POLD2: variants seen among roughly 807,000 people sequenced by gnomAD.
POLD2 encodes DNA polymerase delta 2, accessory subunit, also known as DNA polymerase delta subunit 2.
Under a neutral mutation model 48.8 loss-of-function variants are expected in POLD2, and 31 were observed. The ratio of observed to expected loss-of-function variants is 0.64; its 90% CI spans 0.48 to 0.86. The LOEUF (loss-of-function observed/expected upper bound fraction) is 0.86, where lower values mean the gene tolerates loss of function less well. Among genes scored for constraint, POLD2 ranks in the 40% least tolerant of loss-of-function variants. The probability of loss-of-function intolerance (pLI) is 0.00; values close to 1 mark genes in which losing one functional copy is unlikely to be tolerated. For missense variants in POLD2, 455 were observed against 610.1 expected (o/e 0.75, Z 2.68); for synonymous variants, 233 against 256.3 (o/e 0.91, Z 0.87).
chr7:44,120,575 C>A (rs1320629908), intron 2 of POLD2, among the ~76,000 whole-genome samples: 1 of 152,186 alleles, frequency 6.6e-6, no homozygotes. Context: ...GAATTATAAT[C>A]CACACGGTGT....
chr7:44,118,014 A>G lies in POLD2; in HGVS notation c.271T>C (p.Cys91Arg). The change falls in exon 3 of 11, where the codon TGC becomes CGC. Residue 91 changes from cysteine to arginine, a missense_variant. Cys to Arg is a radical substitution (Grantham distance 180). Around this residue, in one of 3 missense-constraint regions of POLD2, gnomAD observed 349 missense variants for 437.4 expected, o/e 0.80. Transcript: ENST00000610533. Reference protein sequence around the residue: ...KLCELQPEEKCCVVGTLFKAM... With the variant: ...KLCELQPEEKRCVVGTLFKAM... The stretch of plus-strand genomic sequence containing the variant: ...TTGAACAGAGTGCCCACCACACAGC[A>G]CTTCTCCTCAGGCTGCAGTTCACAC... The G allele has an allele frequency of 6.2e-7, 1 of 1,614,066 alleles. No individual in the cohort carries two copies. Among genetic ancestry groups the G allele is most frequent in the Non-Finnish European group, 8.5e-7 (1 of 1,179,984 alleles).
chr7:44,117,706 T>C lies in POLD2; in HGVS notation c.379A>G (p.Ile127Val), dbSNP rs755532079. The C allele has an allele frequency of 2.5e-6, 4 of 1,613,526 alleles. No individual in the cohort carries two copies. The highest frequency in any genetic ancestry group is 2.2e-5 in the South Asian group (2 of 90,888). The change falls in exon 4 of 11, where the codon ATA (isoleucine) becomes GTA (valine). Residue 127 changes from isoleucine (I) to valine (V), a missense_variant. By Grantham distance (29) the Ile-to-Val change is conservative (BLOSUM62 3). This residue lies in a region of POLD2 where 349 missense variants were observed against 437.4 expected (regional missense o/e 0.80). Transcript: ENST00000610533. ...LLPQPPRSKY[I>V]HPDDELVLED... ...AAGACCAGCTCGTCATCTGGGTGTATGTATTTACTCCGAGGAGGCTGGGGG... is the reference window on the plus strand; with the variant it reads ...AAGACCAGCTCGTCATCTGGGTGTACGTATTTACTCCGAGGAGGCTGGGGG...
At position 44,116,646 on chromosome 7, in the gene POLD2, G is replaced by A. The variant is rs2096240125; in HGVS notation, c.781-136C>T. 1.0e-6 allele frequency: 1 copy of A among 999,600 alleles called. No individual in the cohort carries two copies. Among genetic ancestry groups the A allele is most frequent in the Non-Finnish European group, 1.5e-6 (1 of 666,180 alleles). 61.9% of individuals were successfully genotyped at this position (999,600 alleles called of 1,614,324 possible). ...CTTCAAGCCTCCCACCATCCTCAGC[G>A]AGGGCCTGGGCATGAGGAGCCCCAT... is the stretch of plus-strand genomic sequence containing the variant. On this transcript the variant is annotated intron_variant, in intron 6 of 10. Transcript: ENST00000610533. The surrounding 1 kb of genome is among the most constrained non-coding windows in gnomAD (Gnocchi z 6.1).
Position 44,117,256 on chromosome 7 carries a change from C to G in POLD2, c.467-9G>C. 6.2e-7 allele frequency: 1 copy of G among 1,601,738 alleles called. No individual in the cohort carries two copies. The highest frequency in any genetic ancestry group is 8.6e-7 in the Non-Finnish European group (1 of 1,169,506). Reference sequence around the variant, plus strand: ...CACAGCCAGGACAGTCCCTGGGGAGCAGTGGCATCAGGCCTGAGCAGGGAG... The same window carrying G: ...CACAGCCAGGACAGTCCCTGGGGAGGAGTGGCATCAGGCCTGAGCAGGGAG... On this transcript the variant is annotated splice_polypyrimidine_tract_variant and intron_variant, in intron 4 of 10. Transcript: ENST00000610533.
chr7:44,121,314 GT>G lies in POLD2; in HGVS notation c.220+519del, dbSNP rs1229193678. Among the ~76,000 whole-genome samples, 1 of 152,142 alleles carries G rather than the reference GT, an allele frequency of 6.6e-6. No homozygotes were observed. The highest frequency in any genetic ancestry group is 1.5e-5 in the Non-Finnish European group (1 of 68,024). ...AATGGGGGCAAAGAACAAGGGTTGT[GT>G]TGGGCAGGCCACTTTATTAGGAAAG... On this transcript the variant is annotated intron_variant, in intron 2 of 10. Transcript: ENST00000610533. This position sits in a 1 kb window ranked among gnomAD's most constrained non-coding sequence, Gnocchi z 4.5.
At chr7:44,123,621 G>T (rs1583572871), upstream of POLD2, 39 of 1,399,622 alleles carry the variant, frequency 2.8e-5, no homozygotes, top group South Asian at 5.7e-4. Flanking sequence ...ACCAATCGCT[G>T]CCCTCCTCGC....
At position 44,116,766 on chromosome 7, in the gene POLD2, G is replaced by A. The variant is rs771059811; in HGVS notation, c.780+51C>T. The A allele has an allele frequency of 1.3e-6, 2 of 1,590,790 alleles. No homozygotes were observed. ...CGCCCTGGGGAAGGAGGGTCTTACAGGCTTGCAGGCTCCTGGGCTGGGGCT... is the reference window on the plus strand; with the variant it reads ...CGCCCTGGGGAAGGAGGGTCTTACAAGCTTGCAGGCTCCTGGGCTGGGGCT... On this transcript the variant is annotated intron_variant, in intron 6 of 10. Transcript: ENST00000610533. The surrounding 1 kb of genome is among the most constrained non-coding windows in gnomAD (Gnocchi z 6.1).
Position 44,117,741 on chromosome 7 carries a change from T to G in POLD2, c.344A>C (p.His115Pro), listed in dbSNP as rs922945307. ...CCGAGGAGGCTGGGGGAGCAGGTTG[T>G]GCTGGAATGCAGAGACAGGAGGTAT... ...PSILREVSEE[H>P]NLLPQPPRSK... The change falls in exon 4 of 11, where the codon CAC becomes CCC. Residue 115 changes from histidine to proline, a missense_variant and splice_region_variant. By Grantham distance (77) the His-to-Pro change is moderately conservative. This residue lies in a region of POLD2 where 349 missense variants were observed against 437.4 expected (regional missense o/e 0.80). Transcript: ENST00000610533. 12 of 1,613,882 alleles carry G rather than the reference T, an allele frequency of 7.4e-6. No homozygotes were observed. Among genetic ancestry groups the G allele is most frequent in the African/African-American group, 6.7e-5 (5 of 75,038 alleles).
rs541724083 is a variant in POLD2, at chr7:44,115,794, G to A, written c.1119C>T (p.His373=). 6.0e-5 allele frequency: 97 copies of A among 1,614,022 alleles called. No homozygotes were observed. In the African/African-American group the frequency reaches 1.2e-3, roughly 20 times the overall value. Residue 373 remains histidine (H), a synonymous_variant, in exon 9 of 11, where the codon CAC becomes CAT. Coordinates refer to ENST00000610533, the MANE Select transcript of POLD2 (RefSeq NM_006230.4). The part of the protein sequence containing the change: ...EILEWTLRVR[H]ISPTAPDTLG... ...GAGTGTCAGGGGCTGTGGGGCTGAT[G>A]TGACGGACCCGCAGGGTCCACTCCA...
At chr7:44,124,197 T>A (rs2096252741), upstream of POLD2, 1 of 151,002 alleles carries the variant, frequency 6.6e-6, no homozygotes, top group South Asian at 2.1e-4. Flanking sequence ...GTCCTCGTTG[T>A]CCCCGTTACT....
chr7:44,124,084 G>GCCAGCGTCTGCGT (rs1314618757), upstream of POLD2, among the ~76,000 whole-genome samples: 1 of 152,178 alleles, frequency 6.6e-6, no homozygotes, highest in Non-Finnish European at 1.5e-5. Context: ...CTCCCGTCCT[G>GCCAGCGTCTGCGT]CCAGCGTCTG....
Position 44,117,034 on chromosome 7 carries a change from TC to T in POLD2, c.582-20del. On this transcript the variant is annotated intron_variant, in intron 5 of 10. Coordinates refer to ENST00000610533, the MANE Select transcript of POLD2 (RefSeq NM_006230.4). Reference sequence around the variant, plus strand: ...CACAAACCTGCGGGAGAAGGTGGGGTCCTCCAGGGTGCCGAGAAGGGAGGCA... The same window carrying T: ...CACAAACCTGCGGGAGAAGGTGGGGTCTCCAGGGTGCCGAGAAGGGAGGCA... 6.2e-7 allele frequency: 1 copy of T among 1,611,582 alleles called. No homozygotes were observed.
At position 44,121,989 on chromosome 7, in the gene POLD2, G is replaced by A. The variant is rs2096248900; in HGVS notation, c.65C>T (p.Ala22Val). The A allele has an allele frequency of 6.2e-7, 1 of 1,613,856 alleles. No homozygotes were observed. Among genetic ancestry groups the A allele is most frequent in the Non-Finnish European group, 8.5e-7 (1 of 1,180,056 alleles). The change falls in exon 2 of 11, where the codon GCC becomes GTC. Residue 22 changes from alanine to valine, a missense_variant. Around this residue, in one of 3 missense-constraint regions of POLD2, gnomAD observed 349 missense variants for 437.4 expected, o/e 0.80. Transcript: ENST00000610533. This position sits in a 1 kb window ranked among gnomAD's most constrained non-coding sequence, Gnocchi z 4.5. ...TLLSPPSANNATFARVPVATY... is the reference protein window; with the variant it reads ...TLLSPPSANNVTFARVPVATY... ...TGCCACTGGCACCCGGGCAAAGGTGGCATTGTTGGCTGATGGTGGGGACAG... is the reference window on the plus strand; with the variant it reads ...TGCCACTGGCACCCGGGCAAAGGTGACATTGTTGGCTGATGGTGGGGACAG...
Position 44,114,700 on chromosome 7 carries a change from T to A in POLD2, c.*85A>T. The A allele has an allele frequency of 7.1e-7, 1 of 1,405,102 alleles. No individual in the cohort carries two copies. Among genetic ancestry groups the A allele is most frequent in the Non-Finnish European group, 9.7e-7 (1 of 1,027,236 alleles). 87.0% of individuals were successfully genotyped at this position (1,405,102 alleles called of 1,614,324 possible). ...AGGGCTCAAGGCTCGCATCAGCAAG[T>A]GCTCAGGCTTTATTTACAATGCCGA... On this transcript the variant is annotated 3_prime_UTR_variant, in exon 11 of 11. Coordinates refer to ENST00000610533, the MANE Select transcript of POLD2 (RefSeq NM_006230.4).
intron 4 of POLD2, 58 bp from the exon 5 acceptor site, chr7:44,117,305 A>C: frequency 7.8e-7 from 1 of 1,290,296 alleles, no homozygotes; most frequent in Non-Finnish European, 1.1e-6. Flanking sequence ...CACTCCTTCC[A>C]GTCACCCCAA....
At chr7:44,117,439 AG>A in intron 4 of POLD2, 179 bp downstream of exon 4, 2 of 790,958 alleles carry the variant, frequency 2.5e-6, no homozygotes, top group Non-Finnish European at 4.0e-6. Context: ...TCTCCCAGCC[AG>A]GTCTCACCCA....
At chr7:44,123,610 C>T (rs1479673243), upstream of POLD2, 7 of 1,423,936 alleles carry the variant, frequency 4.9e-6, no homozygotes, top group South Asian at 1.0e-4. Flanking sequence ...CGCCTAATCT[C>T]ACCAATCGCT....
At chr7:44,119,374 C>T (rs1475340785) in intron 2 of POLD2, among the ~76,000 whole-genome samples, 6 of 152,118 alleles carry the variant, frequency 3.9e-5, no homozygotes, top group African/African-American at 1.4e-4. Context: ...AGCCTGAGCC[C>T]CTGCTGCCTG....
In POLD2 at chr7:44,116,060, T is replaced by C; in HGVS notation, c.1019+55A>G. ...TGGGCCCTCCCTCCCCTCCCTTCTT[T>C]GTGCCTCCTGAGGCAAAAGGCTGGG... On this transcript the variant is annotated intron_variant, in intron 8 of 10. Transcript: ENST00000610533. The surrounding 1 kb of genome is among the most constrained non-coding windows in gnomAD (Gnocchi z 6.1). 1 of 1,610,856 alleles carries C rather than the reference T, an allele frequency of 6.2e-7. No homozygotes were observed. Among genetic ancestry groups the C allele is most frequent in the Non-Finnish European group, 8.5e-7 (1 of 1,177,846 alleles).
Sources: gnomAD v4.1 joint callset for allele counts (sites outside exome capture counted in the v4.1 genomes callset) on GRCh38, gnomAD v4.1.1 for gene constraint, gnomAD v4.1.1 regional missense constraint, Gnocchi (gnomAD v3.1) non-coding constraint, MANE v1.5 for transcripts, NCBI Gene and HGNC (gene_info 2026-07-23, HGNC 2026-07-21) for gene names.